THOC2: variants seen among roughly 807,000 people sequenced by gnomAD.
THOC2 encodes the protein THO complex subunit 2.
In THOC2, 10 loss-of-function variants were observed where a neutral mutation model predicts 128.4. The ratio of observed to expected loss-of-function variants is 0.08; its 90% CI spans 0.05 to 0.13. The LOEUF is 0.13. THOC2 is among the 10% of genes least tolerant of loss of function. The probability of loss-of-function intolerance (pLI) is 1.00; values close to 1 mark genes in which losing one functional copy is unlikely to be tolerated. For missense variants in THOC2, 535 were observed against 1,155.7 expected, an observed-to-expected ratio of 0.46 and a Z score of 7.79; for synonymous variants, 393 against 396.9, an observed-to-expected ratio of 0.99 and a Z score of 0.12.
intron 15 of THOC2, among the ~76,000 whole-genome samples, 164 bp from the exon 16 acceptor site, chrX:123,640,786 G>C (rs1357432356): frequency 9.0e-6 from 1 of 111,568 alleles, no homozygotes; most frequent in Admixed American, 9.5e-5. Context: ...GGTAGGATTT[G>C]GGCTATTTTG....
intron 38 of THOC2, among the ~76,000 whole-genome samples, chrX:123,606,148 G>A (rs973546617): frequency 3.6e-5 from 4 of 109,920 alleles, no homozygotes; most frequent in African/African-American, 1.3e-4. Context: ...GGTTAAGAAG[G>A]TGCATTTTGC....
intron 4 of THOC2, among the ~76,000 whole-genome samples, chrX:123,698,916 T>C (rs982445700): frequency 1.8e-5 from 2 of 111,083 alleles, no homozygotes; most frequent in African/African-American, 6.5e-5. Flanking sequence ...ATTATAATTC[T>C]AGTCAGTAAA....
At chrX:123,674,085 A>G (rs1363044647) in intron 8 of THOC2, among the ~76,000 whole-genome samples, 2 of 111,792 alleles carry the variant, frequency 1.8e-5, no homozygotes, top group African/African-American at 6.5e-5. Flanking sequence ...TGTTCTATAT[A>G]TATAACGTTG....
chrX:123,627,015 T>C (rs747173973), intron 23 of THOC2, among the ~76,000 whole-genome samples: 4 of 112,494 alleles, frequency 3.6e-5, no homozygotes, highest in Non-Finnish European at 7.5e-5. Context: ...AAAAGCCACC[T>C]AGCTGGTCTT....
At chrX:123,640,193 AT>A (rs1354166524) in intron 16 of THOC2, among the ~76,000 whole-genome samples, 9 of 111,623 alleles carry the variant, frequency 8.1e-5, no homozygotes, top group East Asian at 2.8e-4. Flanking sequence ...TCTCAAAAAA[AT>A]AAATAAATAA....
chrX:123,657,776 G>A (rs920984658), intron 12 of THOC2, among the ~76,000 whole-genome samples: 2 of 111,491 alleles, frequency 1.8e-5, no homozygotes, highest in African/African-American at 6.5e-5. Context: ...TACTAAGTAA[G>A]TTCTTTAGAG....
intron 22 of THOC2, among the ~76,000 whole-genome samples, chrX:123,630,074 T>C (rs1235096616): frequency 8.9e-6 from 1 of 111,853 alleles, no homozygotes; most frequent in Non-Finnish European, 1.9e-5. Flanking sequence ...AGGAACCCCA[T>C]AGTCACTATC....
chrX:123,683,868 G>A (rs2049893410), intron 8 of THOC2, among the ~76,000 whole-genome samples: 1 of 111,085 alleles, frequency 9.0e-6, no homozygotes, highest in African/African-American at 3.3e-5. Flanking sequence ...CAAAAATGCT[G>A]GAATTACAGG....
chrX:123,620,787 A>G, intron 32 of THOC2, 120 bp downstream of exon 32: 1 of 599,416 alleles, frequency 1.7e-6, no homozygotes, highest in Non-Finnish European at 2.5e-6. Context: ...TTTCTAATGC[A>G]ATATAAAACC....
chrX:123,678,705 T>A (rs749161871), intron 8 of THOC2, among the ~76,000 whole-genome samples: 13 of 110,673 alleles, frequency 1.2e-4, no homozygotes, highest in African/African-American at 4.3e-4. Flanking sequence ...TTCATTATAA[T>A]CTTATGCAAC....
intron 12 of THOC2, among the ~76,000 whole-genome samples, chrX:123,661,964 G>C (rs1480805217): frequency 9.0e-6 from 1 of 111,321 alleles, no homozygotes; most frequent in East Asian, 2.8e-4. Context: ...TTACACTCCA[G>C]CCTTCATGAC....
chrX:123,702,339 C>T (rs777168248), intron 4 of THOC2, among the ~76,000 whole-genome samples: 7 of 108,896 alleles, frequency 6.4e-5, no homozygotes, highest in African/African-American at 2.3e-4. Flanking sequence ...TTCAAAGTTA[C>T]AGAAAGCACA....
At position 123,622,748 on chromosome X, in the gene THOC2, G is replaced by C. The variant is rs766188598; in HGVS notation, c.3785+10C>G. On this transcript the variant is annotated intron_variant, in intron 30 of 38. Transcript: ENST00000245838. ...ATTTAGAATTATGACACATGGCACAGTGTTCCTACCTGTTAGAGCCACTAT... is the reference window on the plus strand; with the variant it reads ...ATTTAGAATTATGACACATGGCACACTGTTCCTACCTGTTAGAGCCACTAT... 3 of 1,074,004 alleles carry C rather than the reference G, an allele frequency of 2.8e-6. No homozygotes were observed. In the Admixed American group the frequency reaches 7.8e-5, roughly 28 times the overall value. The allele number at this position is 1,074,004 out of a possible 1,213,427, so 88.5% of individuals were successfully genotyped here.
chrX:123,652,478 G>A lies in THOC2; in HGVS notation c.1387-7103C>T, dbSNP rs192389495. ...AATAAAGGGTACTGAAATAGGAAGA[G>A]AGGAAGTCAAATTGTCTCTGTTTGC... On this transcript the variant is annotated intron_variant, in intron 12 of 38. Coordinates refer to ENST00000245838, the MANE Select transcript of THOC2 (RefSeq NM_001081550.2). Among the ~76,000 whole-genome samples, 113 of 111,863 alleles carry A rather than the reference G, an allele frequency of 1.0e-3. 2 individuals are homozygous for A. The highest frequency in any genetic ancestry group is 3.5e-3 in the African/African-American group (107 of 30,828).
intron 12 of THOC2, among the ~76,000 whole-genome samples, chrX:123,659,826 T>C (rs2048758682): frequency 8.9e-6 from 1 of 112,357 alleles, no homozygotes; most frequent in African/African-American, 3.2e-5. Context: ...CCTAAGCTTA[T>C]AAATGAGATT....
chrX:123,600,721 GT>G lies in THOC2; in HGVS notation c.*635del, dbSNP rs1410918827. ...ACAGCTGTAGAATTAAAACAATTAT[GT>G]TTTGATCCCCCCGCCGCCAAGATTT... is the stretch of plus-strand genomic sequence containing the variant. On this transcript the variant is annotated 3_prime_UTR_variant, in exon 39 of 39. Coordinates refer to ENST00000245838, the MANE Select transcript of THOC2 (RefSeq NM_001081550.2). The G allele has an allele frequency of 8.9e-6, 1 of 112,014 alleles. No homozygotes were observed. Among genetic ancestry groups the G allele is most frequent in the Non-Finnish European group, 1.9e-5 (1 of 53,093 alleles). 9.2% of individuals were successfully genotyped at this position (112,014 alleles called of 1,213,427 possible). A position where few individuals can be genotyped will look rare whatever the true frequency, so the allele number is the denominator to read the frequency against.
At chrX:123,668,749 A>C (rs1359105049) in intron 9 of THOC2, among the ~76,000 whole-genome samples, 2 of 112,595 alleles carry the variant, frequency 1.8e-5, no homozygotes, top group African/African-American at 6.4e-5. Context: ...CAAAGGGATA[A>C]ATTTAAATCA....
intron 1 of THOC2, among the ~76,000 whole-genome samples, chrX:123,720,577 T>C (rs1264981564): frequency 8.9e-6 from 1 of 112,064 alleles, no homozygotes; most frequent in Non-Finnish European, 1.9e-5. Flanking sequence ...TCCAAAAAAA[T>C]TTAAGTCAGG....
chrX:123,621,739 C>T (rs1421120032), intron 30 of THOC2, 152 bp from the exon 31 acceptor site: 5 of 460,539 alleles, frequency 1.1e-5, no homozygotes, highest in Non-Finnish European at 1.7e-5. Flanking sequence ...AACTTTAAGA[C>T]AAGGAAAAAG....
Sources: gnomAD v4.1 joint callset for allele counts (sites outside exome capture counted in the v4.1 genomes callset) on GRCh38, gnomAD v4.1.1 for gene constraint, MANE v1.5 for transcripts, NCBI Gene and HGNC (gene_info 2026-07-23, HGNC 2026-07-21) for gene names.